The following SPATA21 variants were observed in gnomAD, a reference collection of about 807,000 sequenced individuals.
The protein encoded by SPATA21 is spermatogenesis associated 21.
In SPATA21, 47 loss-of-function variants were observed where a neutral mutation model predicts 54.8. The observed-to-expected ratio is 0.86, with a 90% CI of 0.68 to 1.09. The LOEUF (loss-of-function observed/expected upper bound fraction) is 1.09, where lower values mean the gene tolerates loss of function less well. Ranked by LOEUF, SPATA21 falls within the 50% of genes least tolerant of loss-of-function variation. SPATA21 has a pLI of 0.00. For synonymous variants in SPATA21, 245 were observed against 235.3 expected, an observed-to-expected ratio of 1.04 and a Z score of -0.38; for missense variants, 599 against 596.4, an observed-to-expected ratio of 1.00 and a Z score of -0.05.
At chr1:16,423,876 G>A (rs1431825103) in intron 3 of SPATA21, among the ~76,000 whole-genome samples, 3 of 152,042 alleles carry the variant, frequency 2.0e-5, no homozygotes, top group African/African-American at 7.2e-5. Context: ...TGGAGTGAAC[G>A]AAGCCAGACA....
chr1:16,432,724 T>A (rs891956876), intron 2 of SPATA21, 66 bp downstream of exon 2: 1 of 152,336 alleles, frequency 6.6e-6, no homozygotes, highest in African/African-American at 2.4e-5. Flanking sequence ...CCTTTCACTG[T>A]TAACTAGTTT....
At chr1:16,423,508 A>G (rs2086231309) in intron 3 of SPATA21, among the ~76,000 whole-genome samples, 2 of 150,828 alleles carry the variant, frequency 1.3e-5, no homozygotes, top group Admixed American at 1.3e-4. Flanking sequence ...GATACACACA[A>G]TACATGAATT....
intron 1 of SPATA21, among the ~76,000 whole-genome samples, 154 bp from the exon 2 acceptor site, chr1:16,433,078 C>A (rs962686978): frequency 2.6e-5 from 4 of 152,122 alleles, no homozygotes; most frequent in African/African-American, 9.7e-5. Context: ...AAGCTTAAGT[C>A]ATTCATTCAT....
At chr1:16,410,838 G>A (rs773168934) in intron 5 of SPATA21, 17 of 399,592 alleles carry the variant, frequency 4.3e-5, no homozygotes, top group African/African-American at 8.5e-5. Flanking sequence ...GTTCCACCGC[G>A]CCCGGCTGAG....
Position 16,400,890 on chromosome 1 carries a change from TAGC to T in SPATA21, c.1002-1_1003del, listed in dbSNP as rs749303783. 6.2e-7 allele frequency: 1 copy of T among 1,612,040 alleles called. No homozygotes were observed. The highest frequency in any genetic ancestry group is 8.5e-7 in the Non-Finnish European group (1 of 1,178,980). Reference sequence around the variant, plus strand: ...GCCTTCCTTCAGCTTTTTCTGGTAGTAGCTGGGGAGGCAGTGCCCACCCATCTC... The same window carrying T: ...GCCTTCCTTCAGCTTTTTCTGGTAGTTGGGGAGGCAGTGCCCACCCATCTC... On this transcript the variant is annotated splice_acceptor_variant and coding_sequence_variant, in exon 11 of 13. Coordinates refer to ENST00000335496, the MANE Select transcript of SPATA21 (RefSeq NM_198546.1). LOFTEE classifies it high-confidence loss of function.
At chr1:16,420,475 C>A (rs1471480745) in intron 5 of SPATA21, among the ~76,000 whole-genome samples, 1 of 151,938 alleles carries the variant, frequency 6.6e-6, no homozygotes, top group Admixed American at 6.6e-5. Context: ...CGTGATCACA[C>A]CACTGCACTC....
At chr1:16,412,826 T>C (rs2085890711) in intron 5 of SPATA21, among the ~76,000 whole-genome samples, 1 of 151,608 alleles carries the variant, frequency 6.6e-6, no homozygotes, top group Non-Finnish European at 1.5e-5. Context: ...AGTCTTGCTC[T>C]GTCGCCAGGC....
chr1:16,407,870 ATCC>A (rs2085696735), intron 7 of SPATA21, among the ~76,000 whole-genome samples: 2 of 152,092 alleles, frequency 1.3e-5, no homozygotes, highest in African/African-American at 4.8e-5. Flanking sequence ...AGCTCAAGTG[ATCC>A]TCCCACCTCA....
At chr1:16,425,594 T>C in intron 3 of SPATA21, 1 of 1,550,094 alleles carries the variant, frequency 6.5e-7, no homozygotes. Context: ...GCCCTTGATC[T>C]CCTTTCCGGA....
intron 5 of SPATA21, among the ~76,000 whole-genome samples, chr1:16,411,192 T>C (rs114569652): frequency 1.2e-3 from 187 of 152,246 alleles, no homozygotes; most frequent in African/African-American, 4.4e-3. Context: ...ATCTTCCCTC[T>C]TTTATTTTGA....
At chr1:16,403,510 A>C (rs2085523513) in intron 10 of SPATA21, among the ~76,000 whole-genome samples, 1 of 127,512 alleles carries the variant, frequency 7.8e-6, no homozygotes, top group African/African-American at 3.1e-5. Flanking sequence ...TTTTTTTGAG[A>C]CAGAGTCTCA....
chr1:16,427,844 T>C (rs1364401966), intron 3 of SPATA21: 26 of 1,540,898 alleles, frequency 1.7e-5, no homozygotes, highest in Non-Finnish European at 1.9e-5. Context: ...ACCTGTTCTC[T>C]CGAGAGCCCC....
chr1:16,415,914 A>C (rs1262607851), intron 5 of SPATA21, among the ~76,000 whole-genome samples: 1 of 152,190 alleles, frequency 6.6e-6, no homozygotes, highest in Non-Finnish European at 1.5e-5. Flanking sequence ...GCAGGCGCTC[A>C]GCCTGTGGGT....
intron 1 of SPATA21, among the ~76,000 whole-genome samples, chr1:16,433,556 A>C: frequency 6.6e-6 from 1 of 150,796 alleles, no homozygotes; most frequent in Non-Finnish European, 1.5e-5. Flanking sequence ...CCTCAAACAC[A>C]CCCCCTATTG....
chr1:16,402,451 C>T (rs1461502494), intron 10 of SPATA21, among the ~76,000 whole-genome samples: 10 of 151,156 alleles, frequency 6.6e-5, no homozygotes, highest in Admixed American at 1.3e-4. Context: ...TCAGTAGAGA[C>T]GAGGTTTCAC....
rs186229282 is a variant in SPATA21, at chr1:16,407,843, A to G, written c.673+1275T>C. On this transcript the variant is annotated intron_variant, in intron 7 of 12. Transcript: ENST00000335496. ...TGTAGTGGCATAATTGTAGCCCACCATAACCTCGAACTCCTGAGCTCAAGT... is the reference window on the plus strand; with the variant it reads ...TGTAGTGGCATAATTGTAGCCCACCGTAACCTCGAACTCCTGAGCTCAAGT... Among the ~76,000 whole-genome samples the G allele has an allele frequency of 5.9e-5, 9 of 152,220 alleles. No homozygotes were observed. The East Asian group carries it at 1.5e-3, about 26-fold the overall frequency.
At chr1:16,436,538 G>A (rs2086590994) in intron 1 of SPATA21, among the ~76,000 whole-genome samples, 1 of 152,042 alleles carries the variant, frequency 6.6e-6, no homozygotes, top group South Asian at 2.1e-4. Flanking sequence ...TGCCAAGGGG[G>A]GCAGATCACT....
rs569031602 is a variant in SPATA21 at position 16,411,565 on chromosome 1, C to T, written c.145-1522G>A. On this transcript the variant is annotated intron_variant, in intron 5 of 12. Transcript: ENST00000335496. Reference sequence around the variant, plus strand: ...CAGCACTTTGGGAGGGCGAGGCAGGCGGATCACAAGGTCAGGAGATCGAGA... The same window carrying T: ...CAGCACTTTGGGAGGGCGAGGCAGGTGGATCACAAGGTCAGGAGATCGAGA... Among the ~76,000 whole-genome samples the T allele has an allele frequency of 1.5e-4, 23 of 152,144 alleles. 1 individual carries two copies. In the South Asian group the frequency reaches 3.1e-3, roughly 21 times the overall value.
intron 7 of SPATA21, among the ~76,000 whole-genome samples, chr1:16,407,951 AT>A (rs1160087382): frequency 1.3e-5 from 2 of 151,658 alleles, no homozygotes; most frequent in Non-Finnish European, 2.9e-5. Context: ...GTTTTTGTAG[AT>A]GTGGGGGTCT....
Sources: allele counts gnomAD v4.1 joint callset (sites outside exome capture counted in the v4.1 genomes callset), GRCh38; gene constraint gnomAD v4.1.1; transcripts MANE v1.5; gene names NCBI Gene and HGNC (gene_info 2026-07-23, HGNC 2026-07-21).